The following MGMT variants were observed in gnomAD, a reference collection of about 807,000 sequenced individuals.
MGMT encodes the protein methylated-DNA--protein-cysteine methyltransferase.
MGMT carries 14 observed loss-of-function variants against 15.9 expected under a neutral mutation model. That is an observed-to-expected ratio of 0.88 (90% CI 0.58 to 1.37). The LOEUF (loss-of-function observed/expected upper bound fraction) is 1.37, where lower values mean the gene tolerates loss of function less well. Among genes scored for constraint, MGMT ranks in the 40% most tolerant of loss-of-function variants. The pLI, the probability that MGMT is intolerant of heterozygous loss-of-function variation, is 0.00. For missense variants in MGMT, 282 were observed against 268.1 expected (o/e 1.05, Z -0.36); for synonymous variants, 130 against 118.2 (o/e 1.10, Z -0.65).
intron 2 of MGMT, among the ~76,000 whole-genome samples, chr10:129,559,973 G>A (rs747298060): frequency 1.3e-5 from 2 of 152,146 alleles, no homozygotes; most frequent in African/African-American, 2.4e-5. Context: ...TTTACTGTGC[G>A]TCACCTTAGC....
At chr10:129,599,396 A>G (rs1484429692) in intron 2 of MGMT, among the ~76,000 whole-genome samples, 1 of 152,268 alleles carries the variant, frequency 6.6e-6, no homozygotes, top group Non-Finnish European at 1.5e-5. Context: ...AGTCATGTAC[A>G]AATGCAAATG....
intron 1 of MGMT, among the ~76,000 whole-genome samples, chr10:129,534,891 C>A (rs1311262099): frequency 6.6e-6 from 1 of 152,042 alleles, no homozygotes; most frequent in East Asian, 1.9e-4. Flanking sequence ...TGTAGAGGGC[C>A]AGAGAGTCAG....
At chr10:129,723,629 A>G (rs921846365) in intron 3 of MGMT, among the ~76,000 whole-genome samples, 4 of 152,224 alleles carry the variant, frequency 2.6e-5, no homozygotes, top group African/African-American at 2.4e-5. Context: ...TTTACAAAAC[A>G]CATATCTGAC....
At chr10:129,716,958 C>T (rs1415556422) in intron 3 of MGMT, among the ~76,000 whole-genome samples, 2 of 152,198 alleles carry the variant, frequency 1.3e-5, no homozygotes, top group Non-Finnish European at 2.9e-5. Flanking sequence ...AGAAAAAAGG[C>T]CGCATTGACG....
intron 2 of MGMT, among the ~76,000 whole-genome samples, chr10:129,678,620 T>C (rs1847812805): frequency 6.0e-5 from 9 of 151,104 alleles, no homozygotes; most frequent in Admixed American, 5.9e-4. Flanking sequence ...TGTAAGTTAT[T>C]TATCTTGAAC....
intron 2 of MGMT, among the ~76,000 whole-genome samples, chr10:129,613,173 G>A (rs1055427902): frequency 1.3e-5 from 2 of 152,228 alleles, no homozygotes; most frequent in Non-Finnish European, 2.9e-5. Context: ...TCAAGTACAA[G>A]TAGAATCTTC....
intron 2 of MGMT, among the ~76,000 whole-genome samples, chr10:129,554,709 C>T (rs1018829499): frequency 2.0e-5 from 3 of 152,176 alleles, no homozygotes; most frequent in Non-Finnish European, 4.4e-5. Flanking sequence ...TGACTCCTCA[C>T]TGTTTTTAAG....
chr10:129,711,108 C>T (rs1848227827), intron 3 of MGMT, among the ~76,000 whole-genome samples: 1 of 152,188 alleles, frequency 6.6e-6, no homozygotes. Context: ...CTCATCCCTT[C>T]CTCAGGCCTG....
intron 2 of MGMT, among the ~76,000 whole-genome samples, chr10:129,562,081 C>T (rs1025990469): frequency 5.3e-5 from 8 of 152,144 alleles, no homozygotes; most frequent in East Asian, 1.9e-4. Flanking sequence ...GGCTGAGGCA[C>T]GTTCCATTCT....
At chr10:129,581,071 T>A (rs776979106) in intron 2 of MGMT, among the ~76,000 whole-genome samples, 2 of 152,218 alleles carry the variant, frequency 1.3e-5, no homozygotes, top group Non-Finnish European at 2.9e-5. Context: ...GAAATAATGA[T>A]GCTACTTTGT....
rs1847863545 is a variant in MGMT at position 129,682,473 on chromosome 10, G to A, written c.126-25422G>A. Among the ~76,000 whole-genome samples, 3 of 151,934 alleles carry A rather than the reference G, an allele frequency of 2.0e-5. No homozygotes were observed. In the South Asian group the frequency reaches 6.2e-4, roughly 32 times the overall value. ...TGGGGAAGAGATAAGGGTTAACAGA[G>A]ACTGGGGACAGATGACTTCGTAGGT... On this transcript the variant is annotated intron_variant, in intron 2 of 4. Transcript: ENST00000651593.
intron 2 of MGMT, among the ~76,000 whole-genome samples, chr10:129,635,982 A>G (rs1847260545): frequency 1.3e-5 from 2 of 152,248 alleles, no homozygotes; most frequent in Non-Finnish European, 2.9e-5. Context: ...GAAAATTTAC[A>G]TATTTTTAGT....
intron 1 of MGMT, among the ~76,000 whole-genome samples, chr10:129,506,629 C>G (rs181545193): frequency 1.3e-5 from 2 of 152,260 alleles, no homozygotes; most frequent in Admixed American, 1.3e-4. Flanking sequence ...GGACTGCTTT[C>G]AAAGCCCCAG....
chr10:129,729,459 T>G (rs892130935), intron 3 of MGMT, among the ~76,000 whole-genome samples: 1 of 152,174 alleles, frequency 6.6e-6, no homozygotes, highest in African/African-American at 2.4e-5. Flanking sequence ...CCTGCGTGCC[T>G]CTCGTCCTCA....
intron 2 of MGMT, among the ~76,000 whole-genome samples, chr10:129,679,722 G>A (rs954598436): frequency 6.6e-6 from 1 of 152,012 alleles, no homozygotes; most frequent in African/African-American, 2.4e-5. Flanking sequence ...GGTGCATTGA[G>A]GACTTACAGC....
At chr10:129,750,595 T>G (rs916861941) in intron 3 of MGMT, among the ~76,000 whole-genome samples, 3 of 152,144 alleles carry the variant, frequency 2.0e-5, no homozygotes, top group African/African-American at 7.2e-5. Flanking sequence ...TACATAGCAT[T>G]TACATTATTC....
At chr10:129,600,249 C>T (rs913859225) in intron 2 of MGMT, among the ~76,000 whole-genome samples, 15 of 152,126 alleles carry the variant, frequency 9.9e-5, no homozygotes, top group Non-Finnish European at 1.0e-4. Context: ...CTGGGATGGT[C>T]CCTTGAGTTA....
intron 3 of MGMT, among the ~76,000 whole-genome samples, chr10:129,711,823 C>G (rs1239595684): frequency 1.5e-4 from 23 of 152,050 alleles, no homozygotes; most frequent in Admixed American, 1.5e-3. Context: ...TTCATTTTTC[C>G]TCAAGAAATA....
chr10:129,512,706 T>C (rs1845697495), intron 1 of MGMT, among the ~76,000 whole-genome samples: 1 of 152,242 alleles, frequency 6.6e-6, no homozygotes, highest in African/African-American at 2.4e-5. Context: ...TTGTAGTCTG[T>C]GCCGTTCAGT....
Sources: allele counts gnomAD v4.1 joint callset (sites outside exome capture counted in the v4.1 genomes callset), GRCh38; gene constraint gnomAD v4.1.1; transcripts MANE v1.5; gene names NCBI Gene and HGNC (gene_info 2026-07-23, HGNC 2026-07-21).